Variants in ADAMTS17 observed in about 807,000 individuals in gnomAD.
ADAMTS17 encodes A disintegrin and metalloproteinase with thrombospondin motifs 17.
A neutral mutation model predicts 141.5 loss-of-function variants in ADAMTS17; 113 were observed. The ratio of observed to expected loss-of-function variants is 0.80; its 90% CI spans 0.69 to 0.93. The LOEUF (loss-of-function observed/expected upper bound fraction) is 0.93. ADAMTS17 is among the 40% of genes least tolerant of loss of function. ADAMTS17 has a pLI of 0.00. For missense variants in ADAMTS17, 1,659 were observed against 1,517.9 expected (o/e 1.09, Z -1.54); for synonymous variants, 768 against 630.6 (o/e 1.22, Z -3.27).
Position 100,121,674 on chromosome 15 carries a change from C to A in ADAMTS17, c.1722-4661G>T, listed in dbSNP as rs187535852. ...TGGAGAAAGTTTGTTACCACTAGAC[C>A]TGCATTACAATAAATGCTAAAGGGA... On this transcript the variant is annotated intron_variant, in intron 12 of 21. Transcript: ENST00000268070. Among the ~76,000 whole-genome samples the A allele has an allele frequency of 2.5e-3, 382 of 152,120 alleles. 1 individual carries two copies. The highest frequency in any genetic ancestry group is 4.7e-3 in the Non-Finnish European group (317 of 67,986).
intron 17 of ADAMTS17, among the ~76,000 whole-genome samples, chr15:100,050,201 G>T (rs2032032215): frequency 6.6e-6 from 1 of 152,178 alleles, no homozygotes; most frequent in Admixed American, 6.5e-5. Context: ...GTGTTAGGAA[G>T]CTGGAAGTCA....
At chr15:100,147,478 A>C (rs908220647) in intron 10 of ADAMTS17, among the ~76,000 whole-genome samples, 2 of 152,212 alleles carry the variant, frequency 1.3e-5, no homozygotes, top group African/African-American at 4.8e-5. Context: ...ATAGCGTGGT[A>C]CTGTACTACT....
intron 17 of ADAMTS17, among the ~76,000 whole-genome samples, chr15:100,051,119 G>A (rs114010099): frequency 1.3e-3 from 199 of 152,296 alleles, no homozygotes; most frequent in African/African-American, 4.5e-3. Context: ...TGCTCAGAAC[G>A]TTTCACCCGA....
At chr15:100,140,593 C>A (rs1332092857) in intron 10 of ADAMTS17, among the ~76,000 whole-genome samples, 2 of 151,466 alleles carry the variant, frequency 1.3e-5, no homozygotes, top group African/African-American at 4.8e-5. Context: ...GTCACCAAGT[C>A]CAGACATCAT....
chr15:100,062,424 G>A (rs1392486525), intron 15 of ADAMTS17, among the ~76,000 whole-genome samples: 1 of 152,192 alleles, frequency 6.6e-6, no homozygotes, highest in African/African-American at 2.4e-5. Context: ...CCCAAGGCAG[G>A]TGTGCGAGGA....
intron 7 of ADAMTS17, among the ~76,000 whole-genome samples, chr15:100,200,671 G>A (rs1289516886): frequency 6.6e-6 from 1 of 152,220 alleles, no homozygotes. Context: ...ATTGGGGGTT[G>A]GTGGGCAGTG....
chr15:100,155,294 T>C lies in ADAMTS17; in HGVS notation c.1208A>G (p.His403Arg), dbSNP rs886050975. The C allele has an allele frequency of 1.2e-6, 2 of 1,614,012 alleles. No individual in the cohort carries two copies. The highest frequency in any genetic ancestry group is 1.7e-6 in the Non-Finnish European group (2 of 1,179,978). The change falls in exon 9 of 22, where the codon CAC becomes CGC. Residue 403 changes from histidine to arginine, a missense_variant. Transcript: ENST00000268070. ...HNLGMNHDDD[H>R]SSCAGRSHIM... ...GTGGGACCTGCCAGCGCAAGATGAGTGGTCATCGTCGTGGTTCATGCCCAA... is the reference window on the plus strand; with the variant it reads ...GTGGGACCTGCCAGCGCAAGATGAGCGGTCATCGTCGTGGTTCATGCCCAA...
chr15:100,314,901 C>T (rs1213253548), intron 3 of ADAMTS17, among the ~76,000 whole-genome samples: 1 of 152,180 alleles, frequency 6.6e-6, no homozygotes, highest in African/African-American at 2.4e-5. Context: ...CTGGGACACC[C>T]TGTTTGGAAG....
chr15:100,340,100 G>A (rs1032932868), intron 2 of ADAMTS17, among the ~76,000 whole-genome samples: 4 of 152,252 alleles, frequency 2.6e-5, no homozygotes, highest in African/African-American at 9.6e-5. Flanking sequence ...GAGAACCCCT[G>A]CGGTTCATGC....
chr15:100,176,101 A>C (rs1012575866), intron 8 of ADAMTS17, among the ~76,000 whole-genome samples: 3 of 152,146 alleles, frequency 2.0e-5, no homozygotes, highest in African/African-American at 7.2e-5. Flanking sequence ...GAAGGTCTGC[A>C]TTTCTATGCT....
At chr15:100,118,579 G>C (rs2900637) in intron 12 of ADAMTS17, among the ~76,000 whole-genome samples, 55,347 of 152,110 alleles carry the variant, frequency 0.36, 11,071 homozygotes, top group East Asian at 0.59. Flanking sequence ...TAGAAGGCAA[G>C]GGAGGCATCA....
At chr15:100,264,837 T>C (rs2043653480) in intron 4 of ADAMTS17, among the ~76,000 whole-genome samples, 1 of 152,004 alleles carries the variant, frequency 6.6e-6, no homozygotes, top group Non-Finnish European at 1.5e-5. Context: ...GGGAAGGTGT[T>C]TAATGGGTAC....
In ADAMTS17 at chr15:99,997,575, G is replaced by A. The variant is rs760021311; in HGVS notation, c.2606C>T (p.Pro869Leu). 9.3e-6 allele frequency: 15 copies of A among 1,613,070 alleles called. No individual in the cohort carries two copies. The highest frequency in any genetic ancestry group is 2.2e-5 in the South Asian group (2 of 91,076). The part of the protein sequence containing the change: ...HPCQSRWVAG[P>L]WSPCSATCEK... The stretch of plus-strand genomic sequence containing the variant: ...ACAGGTCGCCGAGCAGGGGCTCCAC[G>A]GGCCTGCCACCCACCTGCCAGACGG... Residue 869 changes from proline (P) to leucine (L), a missense_variant, in exon 19 of 22, where the codon CCG (proline) becomes CTG (leucine). Physicochemically the swap from Pro to Leu is moderately conservative, Grantham distance 98. Coordinates refer to ENST00000268070, the MANE Select transcript of ADAMTS17 (RefSeq NM_139057.4). This position sits in a 1 kb window ranked among gnomAD's most constrained non-coding sequence, Gnocchi z 4.7.
chr15:100,065,394 T>C (rs1486090346), intron 15 of ADAMTS17, among the ~76,000 whole-genome samples: 2 of 152,220 alleles, frequency 1.3e-5, no homozygotes, highest in Non-Finnish European at 2.9e-5. Flanking sequence ...CTATAGGCTA[T>C]ATGAGGTGTT....
Position 100,099,954 on chromosome 15 carries a change from G to A in ADAMTS17, c.2017-3478C>T, listed in dbSNP as rs779575409. ...GATTCCACCCTGGAACTTTGCCCCT[G>A]TTGAAGATAACCAGGGACAACAGCC... On this transcript the variant is annotated intron_variant, in intron 14 of 21. Coordinates refer to ENST00000268070, the MANE Select transcript of ADAMTS17 (RefSeq NM_139057.4). Among the ~76,000 whole-genome samples, 45 of 152,192 alleles carry A rather than the reference G, an allele frequency of 3.0e-4. 2 individuals are homozygous for A. Among genetic ancestry groups the A allele is most frequent in the Non-Finnish European group, 1.0e-4 (7 of 68,040 alleles).
chr15:100,089,522 C>T (rs919975478), intron 15 of ADAMTS17, among the ~76,000 whole-genome samples: 3 of 151,310 alleles, frequency 2.0e-5, no homozygotes, highest in Non-Finnish European at 2.9e-5. Flanking sequence ...GCTATAAAGA[C>T]ACATGCACAC....
At chr15:100,139,483 A>G (rs975919436) in intron 10 of ADAMTS17, among the ~76,000 whole-genome samples, 2 of 152,212 alleles carry the variant, frequency 1.3e-5, no homozygotes, top group Non-Finnish European at 2.9e-5. Context: ...AAGATCTTCT[A>G]TTGTACAAGA....
At chr15:100,160,825 C>A (rs1012811934) in intron 8 of ADAMTS17, among the ~76,000 whole-genome samples, 2 of 152,306 alleles carry the variant, frequency 1.3e-5, no homozygotes, top group African/African-American at 4.8e-5. Context: ...CGGCTCATCA[C>A]TTTACAGTTT....
intron 18 of ADAMTS17, among the ~76,000 whole-genome samples, chr15:100,011,286 TAAAGGAGGAGGGAGGGGAGGGAAGG>T (rs2061164309): frequency 9.3e-4 from 4 of 4,318 alleles, no homozygotes; most frequent in Middle Eastern, 0.056. Context: ...GGGAGGGAAG[TAAAGGAGGAGGGAGGGGAGGGAAGG>T]AAAGGAGGGA....
Sources: allele counts gnomAD v4.1 joint callset (sites outside exome capture counted in the v4.1 genomes callset), GRCh38; gene constraint gnomAD v4.1.1; non-coding constraint Gnocchi (gnomAD v3.1); transcripts MANE v1.5; gene names NCBI Gene and HGNC (gene_info 2026-07-23, HGNC 2026-07-21).